The following WWOX variants were observed in gnomAD, a reference collection of about 807,000 sequenced individuals.
WWOX encodes WW domain containing oxidoreductase.
A neutral mutation model predicts 46.2 loss-of-function variants in WWOX; 69 were observed. The ratio of observed to expected loss-of-function variants is 1.49; its 90% CI spans 1.23 to 1.82. The LOEUF is 1.82. Among genes scored for constraint, WWOX ranks in the 40% most tolerant of loss-of-function variants. WWOX has a pLI of 0.00. For missense variants in WWOX, 919 were observed against 542.6 expected (o/e 1.69, Z -6.89); for synonymous variants, 359 against 202.6 (o/e 1.77, Z -6.56).
At chr16:79,020,331 A>G (rs1004811419) in intron 8 of WWOX, among the ~76,000 whole-genome samples, 5 of 152,144 alleles carry the variant, frequency 3.3e-5, no homozygotes, top group Non-Finnish European at 2.9e-5. Flanking sequence ...TGTGATCAAA[A>G]CTATGGAGTC....
At chr16:78,913,850 G>T (rs574022002) in intron 8 of WWOX, among the ~76,000 whole-genome samples, 1 of 151,800 alleles carries the variant, frequency 6.6e-6, no homozygotes. Flanking sequence ...TTGTAGATAC[G>T]GGGTCTTGCT....
chr16:78,248,864 CTTT>C (rs869134108), intron 5 of WWOX, among the ~76,000 whole-genome samples: 208 of 117,370 alleles, frequency 1.8e-3, no homozygotes, highest in African/African-American at 3.2e-3. Context: ...GCCCCCCGGC[CTTT>C]TTTTTTTTTT....
intron 8 of WWOX, among the ~76,000 whole-genome samples, chr16:78,788,696 C>T (rs1274288272): frequency 6.6e-6 from 1 of 152,202 alleles, no homozygotes; most frequent in Non-Finnish European, 1.5e-5. Flanking sequence ...TTCCTGAGTT[C>T]TGTCATCTGC....
intron 8 of WWOX, among the ~76,000 whole-genome samples, chr16:78,867,248 G>C (rs973908059): frequency 1.3e-5 from 2 of 152,180 alleles, no homozygotes; most frequent in Admixed American, 6.5e-5. Flanking sequence ...AAGGACAATG[G>C]AGTGAACATC....
chr16:78,393,283 A>T (rs1464825094), intron 6 of WWOX, among the ~76,000 whole-genome samples: 1 of 152,202 alleles, frequency 6.6e-6, no homozygotes, highest in African/African-American at 2.4e-5. Context: ...TAGTCTACTG[A>T]AAAGTGCATA....
rs115687988 is a variant in WWOX, at chr16:78,702,405, C to G, written c.1056+269653C>G. ...TAGCTCACGCCTGTAATTCCCAGTA[C>G]TTTGTGAGGCTGAGGTGGGCAGATC... On this transcript the variant is annotated intron_variant, in intron 8 of 8. Coordinates refer to ENST00000566780, the MANE Select transcript of WWOX (RefSeq NM_016373.4). Among the ~76,000 whole-genome samples the G allele has an allele frequency of 8.6e-3, 1,314 of 152,040 alleles. 21 individuals carry two copies. The highest frequency in any genetic ancestry group is 0.03 in the African/African-American group (1,249 of 41,492).
chr16:78,296,946 T>G (rs1200360324), intron 5 of WWOX, among the ~76,000 whole-genome samples: 1 of 152,194 alleles, frequency 6.6e-6, no homozygotes, highest in East Asian at 1.9e-4. Flanking sequence ...TGGATGGTGT[T>G]TATTAAAGTC....
chr16:78,464,763 G>C (rs1183197634), intron 8 of WWOX, among the ~76,000 whole-genome samples: 1 of 152,080 alleles, frequency 6.6e-6, no homozygotes, highest in Non-Finnish European at 1.5e-5. Context: ...CTCCTTTTTG[G>C]AGAAATGGCC....
chr16:79,160,666 T>A (rs2050467983), intron 8 of WWOX, among the ~76,000 whole-genome samples: 1 of 152,232 alleles, frequency 6.6e-6, no homozygotes, highest in Non-Finnish European at 1.5e-5. Context: ...CTCGGCTCAC[T>A]GATCACGTCC....
At chr16:78,732,197 T>C (rs1288516097) in intron 8 of WWOX, among the ~76,000 whole-genome samples, 1 of 152,084 alleles carries the variant, frequency 6.6e-6, no homozygotes, top group African/African-American at 2.4e-5. Flanking sequence ...GACTTACTTA[T>C]TACTATGTAG....
chr16:78,892,970 T>C (rs530484529), intron 8 of WWOX, among the ~76,000 whole-genome samples: 1 of 152,196 alleles, frequency 6.6e-6, no homozygotes, highest in Non-Finnish European at 1.5e-5. Flanking sequence ...TTAACAGTAA[T>C]GCCTTGGATT....
intron 8 of WWOX, among the ~76,000 whole-genome samples, chr16:79,071,627 G>T (rs1259074594): frequency 2.0e-5 from 3 of 152,216 alleles, no homozygotes; most frequent in African/African-American, 7.2e-5. Flanking sequence ...CTTGTAGTCA[G>T]TTACTCTCTG....
At chr16:78,795,214 G>A (rs2050705669) in intron 8 of WWOX, among the ~76,000 whole-genome samples, 1 of 152,106 alleles carries the variant, frequency 6.6e-6, no homozygotes, top group Non-Finnish European at 1.5e-5. Flanking sequence ...CGGGCATTAT[G>A]TTATTCACAC....
chr16:78,776,190 C>A (rs1385518760), intron 8 of WWOX, among the ~76,000 whole-genome samples: 1 of 152,062 alleles, frequency 6.6e-6, no homozygotes, highest in Admixed American at 6.6e-5. Context: ...AGGATGTTTT[C>A]CAGTCTTTCT....
chr16:78,489,806 G>A (rs545352563), intron 8 of WWOX, among the ~76,000 whole-genome samples: 18 of 152,252 alleles, frequency 1.2e-4, no homozygotes, highest in African/African-American at 2.2e-4. Flanking sequence ...CCACAGTTCC[G>A]GCTGGAACAC....
chr16:78,620,681 C>T (rs936353324), intron 8 of WWOX, among the ~76,000 whole-genome samples: 6 of 137,130 alleles, frequency 4.4e-5, no homozygotes, highest in South Asian at 2.3e-4. Context: ...AATTGATTTT[C>T]AGGAAATATG....
chr16:78,493,687 T>C (rs1000106546), intron 8 of WWOX, among the ~76,000 whole-genome samples: 7 of 152,190 alleles, frequency 4.6e-5, no homozygotes, highest in Non-Finnish European at 8.8e-5. Flanking sequence ...CAGCACTCCT[T>C]CTGAATACGT....
chr16:78,456,266 C>G (rs887770254), intron 8 of WWOX, among the ~76,000 whole-genome samples: 2 of 152,082 alleles, frequency 1.3e-5, no homozygotes, highest in African/African-American at 4.8e-5. Context: ...AAAAGAGAGG[C>G]TGGAAGAGTT....
intron 8 of WWOX, among the ~76,000 whole-genome samples, chr16:78,675,428 C>G (rs551440963): frequency 1.7e-4 from 26 of 152,174 alleles, no homozygotes; most frequent in Non-Finnish European, 2.5e-4. Context: ...AATATTTAAT[C>G]TAATTTATTG....
Sources: gnomAD v4.1 joint callset for allele counts (sites outside exome capture counted in the v4.1 genomes callset) on GRCh38, gnomAD v4.1.1 for gene constraint, MANE v1.5 for transcripts, NCBI Gene and HGNC (gene_info 2026-07-23, HGNC 2026-07-21) for gene names.